The following TNIK variants were observed in gnomAD, a reference collection of about 807,000 sequenced individuals.
TNIK encodes the protein TRAF2 and NCK-interacting protein kinase.
A neutral mutation model predicts 191.3 loss-of-function variants in TNIK; 49 were observed. That is an observed-to-expected ratio of 0.26 (90% CI 0.20 to 0.32). The LOEUF is 0.32. Among genes scored for constraint, TNIK ranks in the 10% least tolerant of loss-of-function variants. The pLI, the probability that TNIK is intolerant of heterozygous loss-of-function variation, is 1.00. For synonymous variants in TNIK, 594 were observed against 600.9 expected (o/e 0.99, Z 0.17); for missense variants, 1,155 against 1,702.3 (o/e 0.68, Z 5.66).
intron 15 of TNIK, among the ~76,000 whole-genome samples, chr3:171,133,226 A>G (rs1208232013): frequency 6.6e-6 from 1 of 152,204 alleles, no homozygotes; most frequent in Non-Finnish European, 1.5e-5. Flanking sequence ...AGAAAAACGT[A>G]TAGATCCCTG....
chr3:171,448,988 T>A (rs1727854387), intron 1 of TNIK, among the ~76,000 whole-genome samples: 1 of 152,098 alleles, frequency 6.6e-6, no homozygotes, highest in Non-Finnish European at 1.5e-5. Flanking sequence ...CACTTATGAG[T>A]AAGAACATAC....
chr3:171,177,546 A>C (rs1736109018), intron 7 of TNIK, among the ~76,000 whole-genome samples, 166 bp from the exon 8 acceptor site: 1 of 152,236 alleles, frequency 6.6e-6, no homozygotes. Context: ...CTTTTCATTG[A>C]CAGTACCACT....
intron 2 of TNIK, among the ~76,000 whole-genome samples, chr3:171,291,422 C>A (rs71308504): frequency 0.025 from 3,756 of 152,280 alleles, 55 homozygotes; most frequent in Middle Eastern, 0.037. Flanking sequence ...TAGTGCAGAT[C>A]TGCTGATAGT....
chr3:171,258,440 G>C (rs1214435023), intron 2 of TNIK, among the ~76,000 whole-genome samples: 3 of 152,148 alleles, frequency 2.0e-5, no homozygotes, highest in South Asian at 2.1e-4. Context: ...TGACTCATTT[G>C]TTTCTTCTTC....
intron 1 of TNIK, among the ~76,000 whole-genome samples, chr3:171,446,808 C>T (rs1329709379): frequency 6.6e-6 from 1 of 150,638 alleles, no homozygotes; most frequent in East Asian, 1.9e-4. Context: ...CAGCTGTCTC[C>T]AATTCTTAAA....
chr3:171,375,966 T>A (rs1717158532), intron 1 of TNIK, among the ~76,000 whole-genome samples: 1 of 152,128 alleles, frequency 6.6e-6, no homozygotes, highest in Non-Finnish European at 1.5e-5. Context: ...CCCAACAGAA[T>A]ACGGATGGCT....
intron 2 of TNIK, among the ~76,000 whole-genome samples, chr3:171,300,450 G>A (rs1009731958): frequency 6.6e-6 from 1 of 152,172 alleles, no homozygotes; most frequent in East Asian, 1.9e-4. Flanking sequence ...GTATGCATCT[G>A]ACATTATTTC....
chr3:171,139,409 C>CAG lies in TNIK; in HGVS notation c.1419+60_1419+61insCT, dbSNP rs1730490078. The CAG allele has an allele frequency of 3.4e-6, 5 of 1,483,594 alleles. No individual in the cohort carries two copies. The Admixed American group carries it at 5.0e-5, about 15-fold the overall frequency. 91.9% of individuals were successfully genotyped at this position (1,483,594 alleles called of 1,614,324 possible). On this transcript the variant is annotated intron_variant, in intron 14 of 32. Transcript: ENST00000436636. ...ACACACACACACACACACACACACA[C>CAG]ACACAAACACTTGCAAGATGAACAC... is the stretch of plus-strand genomic sequence containing the variant.
chr3:171,197,348 G>A (rs566039774), intron 4 of TNIK, among the ~76,000 whole-genome samples: 2 of 151,722 alleles, frequency 1.3e-5, no homozygotes, highest in Non-Finnish European at 2.9e-5. Context: ...TTTAGCAATG[G>A]CTTCTTAGAT....
At chr3:171,149,864 C>T (rs1732195902) in intron 12 of TNIK, among the ~76,000 whole-genome samples, 1 of 152,206 alleles carries the variant, frequency 6.6e-6, no homozygotes, top group South Asian at 2.1e-4. Context: ...TGTGCTGCCT[C>T]CAACTAGCCA....
chr3:171,458,692 G>C (rs1729052622), intron 1 of TNIK, among the ~76,000 whole-genome samples: 1 of 152,226 alleles, frequency 6.6e-6, no homozygotes, highest in Non-Finnish European at 1.5e-5. Context: ...CCAAGATTCA[G>C]CATCAATCTA....
At chr3:171,333,909 T>TA (rs1312165259) in intron 2 of TNIK, among the ~76,000 whole-genome samples, 2 of 152,212 alleles carry the variant, frequency 1.3e-5, no homozygotes, top group Non-Finnish European at 2.9e-5. Flanking sequence ...AATCATCATT[T>TA]CCTTTCCTTC....
At chr3:171,276,695 A>C (rs549908469) in intron 2 of TNIK, among the ~76,000 whole-genome samples, 7 of 152,206 alleles carry the variant, frequency 4.6e-5, no homozygotes, top group Non-Finnish European at 8.8e-5. Context: ...AGTAAAAAGA[A>C]GTGGAGAGTG....
chr3:171,102,249 GAACAAC>G (rs143649524), intron 21 of TNIK, among the ~76,000 whole-genome samples: 4 of 152,042 alleles, frequency 2.6e-5, no homozygotes, highest in African/African-American at 4.8e-5. Flanking sequence ...TAATCAAGAG[GAACAAC>G]AACAACAAGA....
chr3:171,428,519 T>C (rs1724935717), intron 1 of TNIK, among the ~76,000 whole-genome samples: 1 of 152,080 alleles, frequency 6.6e-6, no homozygotes, highest in Non-Finnish European at 1.5e-5. Context: ...GCATGTTAGC[T>C]TTCTGCTGTC....
At chr3:171,204,938 C>A (rs1401030169) in intron 4 of TNIK, among the ~76,000 whole-genome samples, 1 of 152,150 alleles carries the variant, frequency 6.6e-6, no homozygotes, top group Non-Finnish European at 1.5e-5. Flanking sequence ...AACTTCTGGA[C>A]TCTCTGAGCC....
At chr3:171,358,106 T>TG (rs927597701) in intron 2 of TNIK, among the ~76,000 whole-genome samples, 2 of 152,084 alleles carry the variant, frequency 1.3e-5, no homozygotes, top group African/African-American at 4.8e-5. Flanking sequence ...GAGTTTCCTG[T>TG]GGGGGAAAAA....
At chr3:171,144,904 C>T (rs542493527) in intron 12 of TNIK, among the ~76,000 whole-genome samples, 1 of 152,236 alleles carries the variant, frequency 6.6e-6, no homozygotes, top group Non-Finnish European at 1.5e-5. Flanking sequence ...ATAATGTCTT[C>T]CAGGTTCATC....
chr3:171,275,928 T>G (rs1318185746), intron 2 of TNIK, among the ~76,000 whole-genome samples: 1 of 150,278 alleles, frequency 6.7e-6, no homozygotes, highest in East Asian at 1.9e-4. Flanking sequence ...AATAAAAAAT[T>G]AAAAAAATAG....
Sources: gnomAD v4.1 joint callset for allele counts (sites outside exome capture counted in the v4.1 genomes callset) on GRCh38, gnomAD v4.1.1 for gene constraint, MANE v1.5 for transcripts, NCBI Gene and HGNC (gene_info 2026-07-23, HGNC 2026-07-21) for gene names.